The following DNAH17 variants were observed in gnomAD, a reference collection of about 807,000 sequenced individuals.
The protein encoded by DNAH17 is axonemal beta dynein heavy chain 17.
DNAH17 carries 376 observed loss-of-function variants against 485.6 expected under a neutral mutation model. The observed-to-expected ratio is 0.77, with a 90% CI of 0.71 to 0.84. The LOEUF (loss-of-function observed/expected upper bound fraction) is 0.84. DNAH17 is among the 40% of genes least tolerant of loss of function. The pLI is 0.00. For synonymous variants in DNAH17, 3,031 were observed against 2,405.9 expected, an observed-to-expected ratio of 1.26 and a Z score of -7.60; for missense variants, 6,370 against 5,839.3, an observed-to-expected ratio of 1.09 and a Z score of -2.96.
intron 21 of DNAH17, 124 bp from the exon 22 acceptor site, chr17:78,529,818 G>C: frequency 1.0e-6 from 1 of 985,440 alleles, no homozygotes; most frequent in Non-Finnish European, 1.5e-6. Flanking sequence ...AAGGCCCCAG[G>C]TGGGGAGGGA....
intron 29 of DNAH17, 130 bp from the exon 30 acceptor site, chr17:78,506,976 A>T: frequency 3.0e-6 from 4 of 1,342,806 alleles, no homozygotes. Context: ...GCCTGGTTTA[A>T]TTCAGAATCT....
At chr17:78,484,190 T>C (rs939410848) in intron 48 of DNAH17, among the ~76,000 whole-genome samples, 2 of 148,326 alleles carry the variant, frequency 1.3e-5, no homozygotes, top group Non-Finnish European at 3.0e-5. Context: ...CTTTGGTTTC[T>C]CGGTGCCGTT....
At position 78,500,437 on chromosome 17, in the gene DNAH17, G is replaced by C. The variant is rs779165920; in HGVS notation, c.5508C>G (p.Ser1836=). 1.2e-6 allele frequency: 2 copies of C among 1,602,904 alleles called. No individual in the cohort carries two copies. The highest frequency in any genetic ancestry group is 1.8e-5 in the Admixed American group (1 of 56,722). Residue 1836 remains serine, a synonymous_variant, in exon 36 of 81, where the codon TCC becomes TCG. Coordinates refer to ENST00000389840, the MANE Select transcript of DNAH17 (RefSeq NM_173628.4). The stretch of plus-strand genomic sequence containing the variant: ...GGGCTCCACCCATGATGAGATGGAG[G>C]GACTGGGTCAGGGTGATATAGCACC... ...TDRCYITLTQ[S]LHLIMGGAPA... is the part of the protein sequence containing the mutation.
chr17:78,482,550 T>C (rs761286771), intron 48 of DNAH17, among the ~76,000 whole-genome samples: 1 of 152,186 alleles, frequency 6.6e-6, no homozygotes, highest in African/African-American at 2.4e-5. Context: ...TTTTTGCCCT[T>C]CTGTGTGTGC....
Position 78,491,526 on chromosome 17 carries a change from C to T in DNAH17, c.6586G>A (p.Asp2196Asn), listed in dbSNP as rs2089855769. 1 of 1,614,002 alleles carries T rather than the reference C, an allele frequency of 6.2e-7. No homozygotes were observed. The highest frequency in any genetic ancestry group is 1.1e-5 in the South Asian group (1 of 91,016). ...IMRDLANITH[D>N]GPKWIILDGD... ...TCAAGGATGATCCACTTGGGGCCGT[C>T]ATGGGTGATGTTGGCCAGGTCTCGC... The change falls in exon 43 of 81, where the codon GAC (aspartate) becomes AAC (asparagine). Residue 2196 changes from aspartate to asparagine, a missense_variant. Coordinates refer to ENST00000389840, the MANE Select transcript of DNAH17 (RefSeq NM_173628.4).
chr17:78,571,524 G>A (rs1203714214), intron 4 of DNAH17, 66 bp downstream of exon 4: 36 of 1,579,500 alleles, frequency 2.3e-5, no homozygotes, highest in Admixed American at 6.7e-5. Context: ...ACTGGGAGGC[G>A]GAGAGCTCGG....
At chr17:78,437,565 G>A (rs1352945425) in intron 74 of DNAH17, 76 bp downstream of exon 74, 3 of 1,213,544 alleles carry the variant, frequency 2.5e-6, no homozygotes, top group East Asian at 2.5e-5. Flanking sequence ...GTCCTCAGTG[G>A]TCCTCGGGGC....
intron 56 of DNAH17, among the ~76,000 whole-genome samples, chr17:78,463,473 C>A (rs750718792): frequency 1.3e-5 from 2 of 149,902 alleles, no homozygotes; most frequent in African/African-American, 5.0e-5. Flanking sequence ...CACGTGCATA[C>A]GCATTCACAT....
At chr17:78,476,511 G>T in intron 52 of DNAH17, 61 bp downstream of exon 52, 1 of 1,535,686 alleles carries the variant, frequency 6.5e-7, no homozygotes, top group South Asian at 1.2e-5. Flanking sequence ...ATTGGCCGCC[G>T]ACACTCCACC....
At chr17:78,527,924 G>GC (rs965408121) in intron 22 of DNAH17, among the ~76,000 whole-genome samples, 3 of 151,994 alleles carry the variant, frequency 2.0e-5, no homozygotes, top group African/African-American at 2.4e-5. Context: ...GATTACAGGC[G>GC]CCTGCCACCA....
In DNAH17 at chr17:78,491,550, G is replaced by A. The variant is rs766842661; in HGVS notation, c.6562C>T (p.Arg2188Ter). Residue 2188 changes from arginine (R) to a stop codon, truncating the protein, a stop_gained, in exon 43 of 81, where the codon CGA (arginine) becomes TGA (stop). Coordinates refer to ENST00000389840, the MANE Select transcript of DNAH17 (RefSeq NM_173628.4). LOFTEE classifies it high-confidence loss of function. Reference protein sequence around the residue: ...WKDGLFSTIMRDLANITHDGP... With the variant: ...WKDGLFSTIM ...TCATGGGTGATGTTGGCCAGGTCTC[G>A]CATGATGGTGGAGAACAGGCCTGGG... is the stretch of plus-strand genomic sequence containing the variant. The A allele has an allele frequency of 9.9e-6, 16 of 1,613,808 alleles. No individual in the cohort carries two copies. Among genetic ancestry groups the A allele is most frequent in the Middle Eastern group, 1.6e-4 (1 of 6,080 alleles).
intron 26 of DNAH17, among the ~76,000 whole-genome samples, chr17:78,513,675 A>C (rs1006401791): frequency 5.3e-5 from 8 of 152,116 alleles, no homozygotes; most frequent in African/African-American, 1.9e-4. Context: ...GCCTCAAGTG[A>C]TCCACCCACC....
At position 78,495,982 on chromosome 17, in the gene DNAH17, G is replaced by C; in HGVS notation, c.5796C>G (p.Phe1932Leu). 6.2e-7 allele frequency: 1 copy of C among 1,613,902 alleles called. No individual in the cohort carries two copies. Among genetic ancestry groups the C allele is most frequent in the Non-Finnish European group, 8.5e-7 (1 of 1,179,838 alleles). Reference sequence around the variant, plus strand: ...GAATGAGGCCTATGATCTCTCCCAGGAAATTGAATGCTTTTTTCTTGGCCC... The same window carrying C: ...GAATGAGGCCTATGATCTCTCCCAGCAAATTGAATGCTTTTTTCTTGGCCC... ...AIRAKKKAFNFLGEIIGLIPT... is the reference protein window; with the variant it reads ...AIRAKKKAFNLLGEIIGLIPT... Residue 1932 changes from phenylalanine (F) to leucine (L), a missense_variant, in exon 38 of 81, where the codon TTC becomes TTG. Coordinates refer to ENST00000389840, the MANE Select transcript of DNAH17 (RefSeq NM_173628.4).
intron 73 of DNAH17, 128 bp from the exon 74 acceptor site, chr17:78,437,996 G>A (rs2086908392): frequency 1.5e-6 from 1 of 670,454 alleles, no homozygotes; most frequent in Non-Finnish European, 2.5e-6. Flanking sequence ...CTTGCCTGGT[G>A]CTGGCACTGC....
chr17:78,526,799 C>G (rs2091089669), intron 23 of DNAH17, 62 bp from the exon 24 acceptor site: 2 of 1,559,838 alleles, frequency 1.3e-6, no homozygotes, highest in Non-Finnish European at 1.7e-6. Context: ...CAAGGGTGGC[C>G]CCACCCTGTA....
chr17:78,452,227 T>C (rs2146498251), intron 65 of DNAH17, among the ~76,000 whole-genome samples: 1 of 152,274 alleles, frequency 6.6e-6, no homozygotes, highest in South Asian at 2.1e-4. Context: ...GGTTTCTGCA[T>C]GCATCTCTGC....
rs531471549 is a variant in DNAH17, at chr17:78,514,844, C to T, written c.4043G>A (p.Arg1348His). 2.1e-5 allele frequency: 34 copies of T among 1,614,012 alleles called. No individual in the cohort carries two copies. In the East Asian group the frequency reaches 2.9e-4, roughly 14 times the overall value. ...AGGGTTCTGCAGCTCGCTCACGGCA[C>T]GCAGGGACGTGATCACGTTTTTCAC... ...NTVKNVITSL[R>H]AVSELQNPAI... Residue 1348 changes from arginine to histidine, a missense_variant, in exon 26 of 81, where the codon CGT becomes CAT. Physicochemically the swap from Arg to His is conservative, Grantham distance 29. Transcript: ENST00000389840.
intron 37 of DNAH17, among the ~76,000 whole-genome samples, chr17:78,497,197 G>C (rs1343815516): frequency 1.3e-5 from 2 of 152,180 alleles, no homozygotes; most frequent in African/African-American, 4.8e-5. Flanking sequence ...GTTAAACCTA[G>C]AGCATCAGGG....
intron 17 of DNAH17, 70 bp downstream of exon 17, chr17:78,543,787 C>T (rs1011494955): frequency 6.2e-7 from 1 of 1,604,716 alleles, no homozygotes; most frequent in South Asian, 1.1e-5. Flanking sequence ...AATCTCCAGC[C>T]CTGGGTTTAC....
Sources: allele counts gnomAD v4.1 joint callset (sites outside exome capture counted in the v4.1 genomes callset), GRCh38; gene constraint gnomAD v4.1.1; transcripts MANE v1.5; gene names NCBI Gene and HGNC (gene_info 2026-07-23, HGNC 2026-07-21).